The following TRAK1 variants were observed in gnomAD, a reference collection of about 807,000 sequenced individuals.
TRAK1 encodes the protein trafficking kinesin-binding protein 1.
In TRAK1, 33 loss-of-function variants were observed where a neutral mutation model predicts 92.1. The observed-to-expected ratio is 0.36, with a 90% CI of 0.27 to 0.48. TRAK1 has a LOEUF of 0.48. Ranked by LOEUF, TRAK1 falls within the 20% of genes least tolerant of loss-of-function variation. The pLI, the probability that TRAK1 is intolerant of heterozygous loss-of-function variation, is 0.99. For synonymous variants in TRAK1, 521 were observed against 517.3 expected (o/e 1.01, Z -0.10); for missense variants, 1,123 against 1,257.9 (o/e 0.89, Z 1.62).
At chr3:42,166,667 C>T (rs1441581502) in intron 2 of TRAK1, among the ~76,000 whole-genome samples, 3 of 152,372 alleles carry the variant, frequency 2.0e-5, no homozygotes, top group Admixed American at 1.3e-4. Context: ...TTATTCTTCT[C>T]TGCTTCTTAA....
chr3:42,055,550 C>A (rs538881406), intron 1 of TRAK1, among the ~76,000 whole-genome samples: 1 of 152,198 alleles, frequency 6.6e-6, no homozygotes, highest in Non-Finnish European at 1.5e-5. Context: ...GCAGCCTCGA[C>A]CTCCTGGGCC....
At chr3:42,030,689 A>AATATATATAT (rs57651073) in intron 1 of TRAK1, among the ~76,000 whole-genome samples, 30 of 97,668 alleles carry the variant, frequency 3.1e-4, no homozygotes, top group African/African-American at 1.4e-3. Flanking sequence ...AAAAAAAAAG[A>AATATATATAT]ATATATATAT....
At chr3:42,031,855 C>G in intron 1 of TRAK1, among the ~76,000 whole-genome samples, 1 of 151,912 alleles carries the variant, frequency 6.6e-6, no homozygotes, top group East Asian at 1.9e-4. Flanking sequence ...TTTCAGGGAC[C>G]AGGGAGAGTA....
intron 1 of TRAK1, among the ~76,000 whole-genome samples, chr3:42,014,609 A>G (rs1701443400): frequency 6.6e-6 from 1 of 152,204 alleles, no homozygotes; most frequent in Non-Finnish European, 1.5e-5. Context: ...AAACAAATGT[A>G]ATGAACTGTA....
At chr3:42,104,889 A>G (rs1707301095) in intron 1 of TRAK1, among the ~76,000 whole-genome samples, 1 of 152,206 alleles carries the variant, frequency 6.6e-6, no homozygotes, top group African/African-American at 2.4e-5. Flanking sequence ...ACGATCGGTA[A>G]TAACAAACTT....
chr3:42,223,517 C>T lies in TRAK1; in HGVS notation c.2642C>T (p.Ala881Val), dbSNP rs1198773573. The change falls in exon 16 of 16, where the codon GCA becomes GTA. Residue 881 changes from alanine to valine, a missense_variant. This residue lies in a region of TRAK1 where 401 missense variants were observed against 438.9 expected (regional missense o/e 0.91). Coordinates refer to ENST00000327628, the MANE Select transcript of TRAK1 (RefSeq NM_001042646.3). This position sits in a 1 kb window ranked among gnomAD's most constrained non-coding sequence, Gnocchi z 6.1. ...CTCCTCTGTGGGCCCCCGGGGCCAG[C>T]ACCAGCCCTTGTTCCCAGAGGCCTG... is the stretch of plus-strand genomic sequence containing the variant. ...GPLLCGPPGP[A>V]PALVPRGLVP... The T allele has an allele frequency of 1.2e-6, 2 of 1,613,638 alleles. No individual in the cohort carries two copies. Among genetic ancestry groups the T allele is most frequent in the African/African-American group, 2.7e-5 (2 of 74,938 alleles).
chr3:42,185,418 G>C (rs1704649413), intron 4 of TRAK1, among the ~76,000 whole-genome samples: 1 of 152,214 alleles, frequency 6.6e-6, no homozygotes, highest in Non-Finnish European at 1.5e-5. Context: ...TCAATGGTGA[G>C]AGGAAGGGAA....
chr3:42,060,518 C>T lies in TRAK1; in HGVS notation c.-518-26586C>T, dbSNP rs1283472453. ...GTGCCTCTTTTTCCAGGCGTGGTCC[C>T]TTAGCAGTCTCACTGGTTTATAGTC... On this transcript the variant is annotated intron_variant, in intron 1 of 16. Coordinates refer to the TRAK1 transcript ENST00000487159. Among the ~76,000 whole-genome samples, 3 of 151,828 alleles carry T rather than the reference C, an allele frequency of 2.0e-5. No individual in the cohort carries two copies. The East Asian group carries it at 5.8e-4, about 29-fold the overall frequency.
At chr3:42,074,413 TGGCAAGAAAAA>T (rs1201631149) in intron 1 of TRAK1, among the ~76,000 whole-genome samples, 1 of 152,104 alleles carries the variant, frequency 6.6e-6, no homozygotes, top group Non-Finnish European at 1.5e-5. Flanking sequence ...AGCTGTAAAA[TGGCAAGAAAAA>T]GAATTGCCCT....
At chr3:42,222,914 G>T (rs1386852982) in intron 15 of TRAK1, 28 bp from the exon 16 acceptor site, 1 of 1,595,166 alleles carries the variant, frequency 6.3e-7, no homozygotes, top group Admixed American at 1.7e-5. Context: ...GGCATTTCTG[G>T]TGAATAACCT....
intron 1 of TRAK1, among the ~76,000 whole-genome samples, chr3:42,037,583 C>T (rs1385547056): frequency 6.6e-6 from 1 of 152,202 alleles, no homozygotes; most frequent in East Asian, 1.9e-4. Flanking sequence ...AATTGTAACT[C>T]TGACAGTTTC....
chr3:42,219,615 G>A lies in TRAK1; in HGVS notation c.2066+19G>A, dbSNP rs769866448. On this transcript the variant is annotated intron_variant, in intron 15 of 15. Coordinates refer to ENST00000327628, the MANE Select transcript of TRAK1 (RefSeq NM_001042646.3). ...CACCAAGGTAAGGGACCCTGGCTTT[G>A]GGGTGGGCAGGGGTGGGGTGAAGTC... 4.1e-5 allele frequency: 66 copies of A among 1,596,364 alleles called. No homozygotes were observed. Among genetic ancestry groups the A allele is most frequent in the Non-Finnish European group, 6.0e-6 (7 of 1,164,558 alleles).
chr3:42,025,078 A>G (rs934283593), intron 1 of TRAK1, among the ~76,000 whole-genome samples: 1 of 152,228 alleles, frequency 6.6e-6, no homozygotes, highest in Non-Finnish European at 1.5e-5. Flanking sequence ...ATTAGTTTCA[A>G]AAGATTATAC....
At chr3:42,126,145 CTTTT>C (rs777698681) in intron 2 of TRAK1, among the ~76,000 whole-genome samples, 1 of 144,866 alleles carries the variant, frequency 6.9e-6, no homozygotes. Flanking sequence ...TGGGAGCCAA[CTTTT>C]TTTTTTTTTT....
rs139261502 is a variant in TRAK1 at position 42,194,901 on chromosome 3, C to T, written c.1073C>T (p.Thr358Ile). Residue 358 changes from threonine to isoleucine, a missense_variant, in exon 10 of 16, where the codon ACC (threonine) becomes ATC (isoleucine). Thr to Ile is a moderately conservative substitution (Grantham distance 89). Around this residue, in one of 3 missense-constraint regions of TRAK1, gnomAD observed 686 missense variants for 747.6 expected, o/e 0.92. Coordinates refer to ENST00000327628, the MANE Select transcript of TRAK1 (RefSeq NM_001042646.3). ...CTCCGGAACAAAACCATGCCCAATA[C>T]CACGTCTCGGCGCTACCACTCACTG... ...KNLRNKTMPN[T>I]TSRRYHSLGL... 3 of 1,613,808 alleles carry T rather than the reference C, an allele frequency of 1.9e-6. No individual in the cohort carries two copies. The African/African-American group carries it at 4.0e-5, about 22-fold the overall frequency.
At chr3:42,101,078 A>G (rs755567262) in intron 1 of TRAK1, among the ~76,000 whole-genome samples, 2 of 152,240 alleles carry the variant, frequency 1.3e-5, no homozygotes, top group Middle Eastern at 3.2e-3. Flanking sequence ...GCTCACAGAC[A>G]TGGGTCATCT....
At chr3:42,048,415 G>A (rs1117773) in intron 1 of TRAK1, among the ~76,000 whole-genome samples, 74,227 of 152,002 alleles carry the variant, frequency 0.49, 20,043 homozygotes, top group African/African-American at 0.74. Flanking sequence ...AAAGGCAAAT[G>A]CTACTCAAAG....
chr3:42,106,048 C>G (rs1020667414), intron 1 of TRAK1, among the ~76,000 whole-genome samples: 10 of 152,336 alleles, frequency 6.6e-5, no homozygotes, highest in Admixed American at 6.5e-4. Context: ...ACAACCAGTA[C>G]CAGCCACTGC....
intron 2 of TRAK1, among the ~76,000 whole-genome samples, chr3:42,163,591 T>C (rs1208052561): frequency 6.8e-6 from 1 of 147,602 alleles, no homozygotes; most frequent in East Asian, 2.0e-4. Flanking sequence ...AAAAAAGGCA[T>C]GGACCTTCTT....
Sources: gnomAD v4.1 joint callset for allele counts (sites outside exome capture counted in the v4.1 genomes callset) on GRCh38, gnomAD v4.1.1 for gene constraint, gnomAD v4.1.1 regional missense constraint, Gnocchi (gnomAD v3.1) non-coding constraint, MANE v1.5 for transcripts, NCBI Gene and HGNC (gene_info 2026-07-23, HGNC 2026-07-21) for gene names.